Variants in ADAMTSL1 observed in about 807,000 individuals in gnomAD.
ADAMTSL1 encodes ADAMTS like 1, also known as ADAMTS-like protein 1.
ADAMTSL1 carries 126 observed loss-of-function variants against 201.8 expected under a neutral mutation model. That is an observed-to-expected ratio of 0.62 (90% CI 0.54 to 0.72). The LOEUF is 0.72. Ranked by LOEUF, ADAMTSL1 falls within the 30% of genes least tolerant of loss-of-function variation. The pLI is 0.00. For missense variants in ADAMTSL1, 2,679 were observed against 2,277.8 expected (o/e 1.18, Z -3.59); for synonymous variants, 1,121 against 903.4 (o/e 1.24, Z -4.32).
At chr9:18,498,613 G>A (rs112854807) in intron 1 of ADAMTSL1, among the ~76,000 whole-genome samples, 5,569 of 152,088 alleles carry the variant, frequency 0.037, 338 homozygotes, top group African/African-American at 0.13. Flanking sequence ...GCTGGCATGA[G>A]CCACCGCGCC....
At chr9:18,653,170 G>A (rs1828403067) in intron 7 of ADAMTSL1, among the ~76,000 whole-genome samples, 1 of 152,200 alleles carries the variant, frequency 6.6e-6, no homozygotes, top group African/African-American at 2.4e-5. Flanking sequence ...TTAGGATGCA[G>A]AGACAGAGAA....
At chr9:17,957,871 G>A (rs979581402) in intron 1 of ADAMTSL1, among the ~76,000 whole-genome samples, 2 of 152,064 alleles carry the variant, frequency 1.3e-5, no homozygotes, top group Non-Finnish European at 2.9e-5. Context: ...GAAGAGGAGA[G>A]GAAGAATCCT....
At position 18,283,930 on chromosome 9, in the gene ADAMTSL1, AG is replaced by A. The variant is rs1213047204; in HGVS notation, c.207+119950del. 1.8e-4 allele frequency among the ~76,000 whole-genome samples: 17 copies of A among 92,644 alleles called. 1 individual carries two copies. Among genetic ancestry groups the A allele is most frequent in the South Asian group, 3.8e-4 (1 of 2,626 alleles). 60.8% of individuals were successfully genotyped at this position (92,644 alleles called of 152,430 possible). A position where few individuals can be genotyped will look rare whatever the true frequency, so the allele number is the denominator to read the frequency against. On this transcript the variant is annotated intron_variant, in intron 2 of 29. Coordinates refer to the ADAMTSL1 transcript ENST00000680146. ...AAGACTCCGTCTAAAAAAAAAAAAA[AG>A]AAGAAGAAGAAGAAGAAGGCTGGGT...
At chr9:18,270,969 G>A (rs991804201) in intron 2 of ADAMTSL1, among the ~76,000 whole-genome samples, 4 of 152,146 alleles carry the variant, frequency 2.6e-5, no homozygotes, top group Admixed American at 1.3e-4. Context: ...GATGGAAGGG[G>A]CCTGAGTCTC....
intron 1 of ADAMTSL1, among the ~76,000 whole-genome samples, chr9:18,084,495 C>A (rs1274639180): frequency 1.3e-5 from 2 of 150,800 alleles, no homozygotes; most frequent in Non-Finnish European, 2.9e-5. Flanking sequence ...GCATTCCAAC[C>A]TGGGCAACAG....
intron 2 of ADAMTSL1, among the ~76,000 whole-genome samples, chr9:18,246,241 A>C (rs1831255297): frequency 6.6e-6 from 1 of 152,196 alleles, no homozygotes; most frequent in Non-Finnish European, 1.5e-5. Context: ...TTAGAAGAAT[A>C]ATTGGGTTAA....
intron 23 of ADAMTSL1, among the ~76,000 whole-genome samples, chr9:18,859,876 T>C (rs865825660): frequency 2.6e-5 from 4 of 152,186 alleles, no homozygotes; most frequent in Admixed American, 6.5e-5. Flanking sequence ...CAAGTGGTTT[T>C]TTTGTTACAT....
chr9:18,375,071 G>A (rs890460251), intron 2 of ADAMTSL1, among the ~76,000 whole-genome samples: 17 of 152,208 alleles, frequency 1.1e-4, no homozygotes, highest in African/African-American at 2.4e-5. Context: ...AAAGGGATCA[G>A]CCTGGATCAC....
chr9:18,485,449 T>C (rs1459841625), intron 1 of ADAMTSL1, among the ~76,000 whole-genome samples: 2 of 152,172 alleles, frequency 1.3e-5, no homozygotes, highest in Non-Finnish European at 2.9e-5. Context: ...CAAGACAGTC[T>C]TACTCCCCAG....
intron 20 of ADAMTSL1, among the ~76,000 whole-genome samples, chr9:18,805,464 A>G (rs1823051680): frequency 6.6e-6 from 1 of 152,198 alleles, no homozygotes. Flanking sequence ...TATAGCAGAG[A>G]TAGTGCTGGT....
At chr9:18,625,832 TC>T (rs749356865) in intron 5 of ADAMTSL1, among the ~76,000 whole-genome samples, 1 of 152,206 alleles carries the variant, frequency 6.6e-6, no homozygotes. Context: ...TCTCTACCTT[TC>T]TTGCATGGTG....
intron 1 of ADAMTSL1, among the ~76,000 whole-genome samples, chr9:18,481,997 G>A (rs190775260): frequency 1.3e-5 from 2 of 152,040 alleles, no homozygotes; most frequent in Admixed American, 6.6e-5. Context: ...CAAAATCCAC[G>A]CAAAAAACAA....
intron 1 of ADAMTSL1, among the ~76,000 whole-genome samples, chr9:17,978,827 A>C (rs948213822): frequency 6.6e-6 from 1 of 152,088 alleles, no homozygotes; most frequent in Admixed American, 6.6e-5. Context: ...TTTCAGCTTG[A>C]AGAACCCTTT....
chr9:18,183,359 C>T (rs571713450), intron 2 of ADAMTSL1, among the ~76,000 whole-genome samples: 15 of 152,082 alleles, frequency 9.9e-5, no homozygotes, highest in Admixed American at 3.3e-4. Flanking sequence ...GCATGATTCA[C>T]GAAATAATTG....
chr9:17,995,365 C>T (rs1234700075), intron 1 of ADAMTSL1, among the ~76,000 whole-genome samples: 1 of 152,036 alleles, frequency 6.6e-6, no homozygotes, highest in Non-Finnish European at 1.5e-5. Flanking sequence ...CAGATAGATG[C>T]TACTAAGAAA....
chr9:18,766,686 C>T (rs1331215629), intron 16 of ADAMTSL1, among the ~76,000 whole-genome samples: 1 of 152,142 alleles, frequency 6.6e-6, no homozygotes, highest in African/African-American at 2.4e-5. Flanking sequence ...AGATGGTGCT[C>T]TGTAGCTGTG....
chr9:18,534,466 G>A (rs181377136), intron 3 of ADAMTSL1, among the ~76,000 whole-genome samples: 2 of 152,308 alleles, frequency 1.3e-5, no homozygotes, highest in Admixed American at 1.3e-4. Context: ...GACTTGAAAA[G>A]CATTTGAAAT....
At chr9:18,089,226 T>A (rs1015397488) in intron 1 of ADAMTSL1, among the ~76,000 whole-genome samples, 5 of 152,222 alleles carry the variant, frequency 3.3e-5, no homozygotes, top group Non-Finnish European at 7.4e-5. Context: ...GCTGGCCTCA[T>A]AAATGATAGA....
intron 2 of ADAMTSL1, among the ~76,000 whole-genome samples, chr9:18,224,202 A>C (rs6475204): frequency 0.32 from 48,331 of 151,812 alleles, 7,851 homozygotes; most frequent in Admixed American, 0.41. Context: ...TATAAAGAAC[A>C]GAAATTTATT....
Sources: allele counts gnomAD v4.1 joint callset (sites outside exome capture counted in the v4.1 genomes callset), GRCh38; gene constraint gnomAD v4.1.1; transcripts MANE v1.5; gene names NCBI Gene and HGNC (gene_info 2026-07-23, HGNC 2026-07-21).